BMP2K: variants seen among roughly 807,000 people sequenced by gnomAD.
BMP2K encodes the protein BMP-2-inducible protein kinase.
In BMP2K, 74 loss-of-function variants were observed where a neutral mutation model predicts 116.0. The ratio of observed to expected loss-of-function variants is 0.64; its 90% CI spans 0.53 to 0.77. BMP2K has a LOEUF of 0.77. BMP2K is among the 30% of genes least tolerant of loss of function. The pLI is 0.00. For synonymous variants in BMP2K, 486 were observed against 502.5 expected, an observed-to-expected ratio of 0.97 and a Z score of 0.44; for missense variants, 1,365 against 1,403.6, an observed-to-expected ratio of 0.97 and a Z score of 0.44.
chr4:78,867,171 C>CA lies in BMP2K; in HGVS notation c.1231+1463dup, dbSNP rs1300770999. On this transcript the variant is annotated intron_variant, in intron 10 of 15. Coordinates refer to ENST00000502613, the MANE Select transcript of BMP2K (RefSeq NM_198892.2). ...TGGGTGACAGAATGAGACTCTGTCT[C>CA]AAAAAAAAAAAAGAAAAAAAGAAAA... Among the ~76,000 whole-genome samples the CA allele has an allele frequency of 6.5e-3, 626 of 96,748 alleles. 4 individuals carry two copies. Among genetic ancestry groups the CA allele is most frequent in the African/African-American group, 0.02 (518 of 25,588 alleles). 63.5% of individuals were successfully genotyped at this position (96,748 alleles called of 152,430 possible).
chr4:78,824,360 G>A (rs1366729797), intron 1 of BMP2K, among the ~76,000 whole-genome samples: 4 of 152,222 alleles, frequency 2.6e-5, no homozygotes, highest in Non-Finnish European at 4.4e-5. Flanking sequence ...ACAGTTCCAT[G>A]TGGCTGGGGA....
intron 1 of BMP2K, among the ~76,000 whole-genome samples, chr4:78,787,493 C>T (rs1200348639): frequency 6.6e-6 from 1 of 152,084 alleles, no homozygotes; most frequent in South Asian, 2.1e-4. Flanking sequence ...AGAGTGGGAG[C>T]TGGGTAGTCT....
At chr4:78,840,476 C>T (rs1245739199) in intron 3 of BMP2K, among the ~76,000 whole-genome samples, 5 of 151,936 alleles carry the variant, frequency 3.3e-5, no homozygotes, top group Non-Finnish European at 5.9e-5. Context: ...CCTGTTTTTG[C>T]CTAATTAGCA....
At chr4:78,803,916 A>T (rs1336259078) in intron 1 of BMP2K, among the ~76,000 whole-genome samples, 1 of 152,210 alleles carries the variant, frequency 6.6e-6, no homozygotes, top group African/African-American at 2.4e-5. Flanking sequence ...ATATAGAACT[A>T]GTTTCAGTCT....
intron 5 of BMP2K, 48 bp from the exon 6 acceptor site, chr4:78,847,140 T>TTATATA (rs146999088): frequency 2.1e-6 from 2 of 959,216 alleles, no homozygotes; most frequent in African/African-American, 1.8e-5. Context: ...TGTCTTTTTT[T>TTATATA]TATATATATA....
intron 1 of BMP2K, among the ~76,000 whole-genome samples, chr4:78,777,167 G>C (rs771400730): frequency 1.3e-5 from 2 of 152,094 alleles, no homozygotes; most frequent in Non-Finnish European, 2.9e-5. Context: ...CTGGTGTCAA[G>C]CTGGGCTTTG....
chr4:78,885,276 T>A (rs1426621100), intron 14 of BMP2K, among the ~76,000 whole-genome samples: 1 of 152,168 alleles, frequency 6.6e-6, no homozygotes, highest in Non-Finnish European at 1.5e-5. Context: ...GTCATAAAGG[T>A]TTTGAAAGAA....
chr4:78,865,740 C>T lies in BMP2K; in HGVS notation c.1231+20C>T. 1.2e-6 allele frequency: 2 copies of T among 1,611,942 alleles called. No homozygotes were observed. Among genetic ancestry groups the T allele is most frequent in the East Asian group, 4.5e-5 (2 of 44,838 alleles). ...CAAAAGGTAATAGAGCCCCGCCAAC[C>T]TCATCCTCTTAAAGGTTAATGTTAA... On this transcript the variant is annotated intron_variant, in intron 10 of 15. Coordinates refer to ENST00000502613, the MANE Select transcript of BMP2K (RefSeq NM_198892.2).
Position 78,833,397 on chromosome 4 carries a change from G to A in BMP2K, c.298-185G>A, listed in dbSNP as rs182207426. Among the ~76,000 whole-genome samples the A allele has an allele frequency of 6.5e-3, 989 of 152,046 alleles. 6 individuals are homozygous for A. Among genetic ancestry groups the A allele is most frequent in the Non-Finnish European group, 8.7e-3 (589 of 67,912 alleles). On this transcript the variant is annotated intron_variant, in intron 2 of 15. Transcript: ENST00000502613. ...TATTTGCTGTTAGAAAATTACAGTC[G>A]CATGCAGGTAAACTTTTTATTGAAA...
intron 3 of BMP2K, among the ~76,000 whole-genome samples, chr4:78,841,895 C>A (rs1487564855): frequency 1.3e-5 from 2 of 151,872 alleles, no homozygotes; most frequent in African/African-American, 4.8e-5. Flanking sequence ...GATCTGGTAC[C>A]CTGTCTTCCT....
chr4:78,776,911 C>G (rs1321152819), intron 1 of BMP2K, among the ~76,000 whole-genome samples, 190 bp downstream of exon 1: 2 of 152,134 alleles, frequency 1.3e-5, no homozygotes, highest in African/African-American at 4.8e-5. Context: ...CGCTGGCTGC[C>G]CCGGCCGGTG....
intron 1 of BMP2K, among the ~76,000 whole-genome samples, chr4:78,781,434 T>G (rs539028720): frequency 6.6e-6 from 1 of 152,154 alleles, no homozygotes; most frequent in African/African-American, 2.4e-5. Flanking sequence ...ATTTTTTTTT[T>G]TTTTTTTGAG....
At chr4:78,861,299 A>T in intron 8 of BMP2K, 90 bp from the exon 9 acceptor site, 2 of 978,110 alleles carry the variant, frequency 2.0e-6, no homozygotes, top group Non-Finnish European at 3.0e-6. Flanking sequence ...TAGTACTTTT[A>T]AAGTTCAATG....
intron 7 of BMP2K, among the ~76,000 whole-genome samples, chr4:78,854,482 C>T (rs760421297): frequency 1.8e-4 from 27 of 152,024 alleles, no homozygotes; most frequent in Non-Finnish European, 3.4e-4. Context: ...CCATGTTGGT[C>T]AGGCTGGTCT....
intron 14 of BMP2K, among the ~76,000 whole-genome samples, chr4:78,881,204 C>T (rs1352572009): frequency 6.6e-6 from 1 of 152,174 alleles, no homozygotes; most frequent in African/African-American, 2.4e-5. Flanking sequence ...ATAAATGCCA[C>T]TTTCTCTTTT....
chr4:78,861,621 A>C (rs1316621016), intron 9 of BMP2K, among the ~76,000 whole-genome samples, 153 bp downstream of exon 9: 1 of 152,026 alleles, frequency 6.6e-6, no homozygotes, highest in African/African-American at 2.4e-5. Flanking sequence ...TAGCAAATAC[A>C]AAATAAGCTT....
chr4:78,827,543 T>C (rs1729934712), intron 2 of BMP2K, among the ~76,000 whole-genome samples: 1 of 152,216 alleles, frequency 6.6e-6, no homozygotes, highest in African/African-American at 2.4e-5. Flanking sequence ...AGTACCCCTA[T>C]GTGTGCTCAT....
At position 78,910,702 on chromosome 4, in the gene BMP2K, A is replaced by G; in HGVS notation, c.2155A>G (p.Lys719Glu). The part of the protein sequence containing the change: ...IKNGKTSPAS[K>E]DQRTGKKTSV... ...GAACGGTAAAACAAGTCCAGCATCT[A>G]AAGATCAGCGGACTGGAAAGAAAAC... Residue 719 changes from lysine to glutamate, a missense_variant, in exon 16 of 16, where the codon AAA becomes GAA. Around this residue, in one of 3 missense-constraint regions of BMP2K, gnomAD observed 596 missense variants for 623.2 expected, o/e 0.96. Coordinates refer to ENST00000502613, the MANE Select transcript of BMP2K (RefSeq NM_198892.2). 6.2e-7 allele frequency: 1 copy of G among 1,612,448 alleles called. No homozygotes were observed. The highest frequency in any genetic ancestry group is 2.2e-5 in the East Asian group (1 of 44,864).
intron 2 of BMP2K, among the ~76,000 whole-genome samples, chr4:78,829,301 C>G (rs560794835): frequency 1.3e-5 from 2 of 152,294 alleles, no homozygotes; most frequent in South Asian, 4.1e-4. Context: ...GAAGTAGATT[C>G]CATCTCAAGA....
Sources: gnomAD v4.1 joint callset for allele counts (sites outside exome capture counted in the v4.1 genomes callset) on GRCh38, gnomAD v4.1.1 for gene constraint, gnomAD v4.1.1 regional missense constraint, MANE v1.5 for transcripts, NCBI Gene and HGNC (gene_info 2026-07-23, HGNC 2026-07-21) for gene names.